Variants in WDR11 observed in about 807,000 individuals in gnomAD.
WDR11 encodes the protein WD repeat domain 11.
Under a neutral mutation model 151.2 loss-of-function variants are expected in WDR11, and 83 were observed. The ratio of observed to expected loss-of-function variants is 0.55; its 90% confidence interval spans 0.46 to 0.66. WDR11 has a LOEUF of 0.66. Ranked by LOEUF, WDR11 falls within the 30% of genes least tolerant of loss-of-function variation. WDR11 has a pLI of 0.00. For missense variants in WDR11, 1,301 were observed against 1,480.9 expected, an observed-to-expected ratio of 0.88 and a Z score of 1.99; for synonymous variants, 484 against 533.1, an observed-to-expected ratio of 0.91 and a Z score of 1.27.
At chr10:120,882,813 A>G (rs1590089904) in intron 13 of WDR11, among the ~76,000 whole-genome samples, 1 of 151,710 alleles carries the variant, frequency 6.6e-6, no homozygotes, top group African/African-American at 2.4e-5. Flanking sequence ...TCCATTTTCA[A>G]TTTCATTGTC....
chr10:120,862,516 A>G (rs956242959), intron 4 of WDR11: 6 of 527,286 alleles, frequency 1.1e-5, no homozygotes, highest in African/African-American at 5.7e-5. Flanking sequence ...AATATAAGAC[A>G]TAATATAGAA....
chr10:120,902,963 C>A (rs1247049472), intron 22 of WDR11, 92 bp from the exon 23 acceptor site: 17 of 1,348,772 alleles, frequency 1.3e-5, no homozygotes, highest in Non-Finnish European at 1.8e-5. Context: ...GGATATGTGA[C>A]AACACTCCCT....
rs375116471 is a variant in WDR11 at position 120,885,883 on chromosome 10, C to T, written c.1918C>T (p.Arg640Cys). ...KQLATREAMA[R>C]QTVVSDTELS... is the part of the protein sequence containing the mutation. ...ACTTGCAACTCGAGAGGCCATGGCC[C>T]GCCAGACCGTAGTCTCAGACACAGA... is the stretch of plus-strand genomic sequence containing the variant. The change falls in exon 15 of 29, where the codon CGC (arginine) becomes TGC (cysteine). Residue 640 changes from arginine (R) to cysteine (C), a missense_variant. Around this residue, in one of 3 missense-constraint regions of WDR11, gnomAD observed 20 missense variants for 47.8 expected, o/e 0.42. Transcript: ENST00000263461. 1.1e-5 allele frequency: 17 copies of T among 1,613,676 alleles called. No individual in the cohort carries two copies. Among genetic ancestry groups the T allele is most frequent in the South Asian group, 3.3e-5 (3 of 91,066 alleles).
At chr10:120,885,960 C>T (rs1193694287) in intron 15 of WDR11, 22 bp downstream of exon 15, 1 of 1,612,390 alleles carries the variant, frequency 6.2e-7, no homozygotes, top group South Asian at 1.1e-5. Flanking sequence ...TGTTTCTTGA[C>T]ACTGTCATTT....
intron 10 of WDR11, among the ~76,000 whole-genome samples, chr10:120,873,086 C>A (rs1364588009): frequency 6.6e-6 from 1 of 152,092 alleles, no homozygotes; most frequent in Non-Finnish European, 1.5e-5. Context: ...GACATACTAC[C>A]TGAGACCATG....
At chr10:120,881,995 A>G (rs955876714) in intron 13 of WDR11, among the ~76,000 whole-genome samples, 3 of 152,058 alleles carry the variant, frequency 2.0e-5, no homozygotes, top group South Asian at 2.1e-4. Context: ...GATTTTTTGT[A>G]TATTTCCTTT....
chr10:120,876,911 C>G (rs1846812745), intron 11 of WDR11, among the ~76,000 whole-genome samples: 1 of 152,186 alleles, frequency 6.6e-6, no homozygotes, highest in Admixed American at 6.5e-5. Context: ...AACCTGAACT[C>G]TTCACTTATA....
At position 120,900,457 on chromosome 10, in the gene WDR11, G is replaced by A. The variant is rs112381833; in HGVS notation, c.2624+320G>A. On this transcript the variant is annotated intron_variant, in intron 20 of 28. Transcript: ENST00000263461. ...ATGGAAGGCAGGAGAATTTGGAGCCGGGCACGTTCTTTTTAAAAGCAGCAT... is the reference window on the plus strand; with the variant it reads ...ATGGAAGGCAGGAGAATTTGGAGCCAGGCACGTTCTTTTTAAAAGCAGCAT... Among the ~76,000 whole-genome samples the A allele has an allele frequency of 8.0e-3, 1,223 of 152,158 alleles. 15 individuals are homozygous for A. The highest frequency in any genetic ancestry group is 0.028 in the African/African-American group (1,142 of 41,514).
Position 120,909,156 on chromosome 10 carries a change from C to G in WDR11, c.*443C>G, listed in dbSNP as rs1348072874. The G allele has an allele frequency of 5.8e-6, 1 of 171,604 alleles. No homozygotes were observed. Among genetic ancestry groups the G allele is most frequent in the Admixed American group, 5.5e-5 (1 of 18,082 alleles). 10.6% of individuals were successfully genotyped at this position (171,604 alleles called of 1,614,324 possible). A position where few individuals can be genotyped will look rare whatever the true frequency, so the allele number is the denominator to read the frequency against. ...TACAGTCTTTCAAGAGAGATACAAA[C>G]AAGGCAGAAACATTTAAACTAGTAT... On this transcript the variant is annotated 3_prime_UTR_variant, in exon 29 of 29. Transcript: ENST00000263461.
At position 120,902,257 on chromosome 10, in the gene WDR11, T is replaced by A; in HGVS notation, c.2688T>A (p.Asn896Lys). The A allele has an allele frequency of 6.2e-7, 1 of 1,614,086 alleles. No homozygotes were observed. ...ACTTTTGTCCGGATTTCTTCCACAG[T>A]GACATAAAGAAACTGTTGCTTGATC... ...LLQEQLNSLS[N>K]DIKKLLLDPE... is the part of the protein sequence containing the mutation. The change falls in exon 22 of 29, where the codon AAT (asparagine) becomes AAA (lysine). Residue 896 changes from asparagine (N) to lysine (K), a missense_variant and splice_region_variant. Asn to Lys is a moderately conservative substitution (Grantham distance 94, BLOSUM62 0). This residue lies in a region of WDR11 where 589 missense variants were observed against 670.6 expected (regional missense o/e 0.88). Transcript: ENST00000263461.
At chr10:120,901,740 A>G (rs1847827635) in intron 21 of WDR11, among the ~76,000 whole-genome samples, 1 of 152,248 alleles carries the variant, frequency 6.6e-6, no homozygotes. Context: ...AAAGATTAAC[A>G]TTTATGTTTA....
intron 27 of WDR11, chr10:120,906,502 G>T: frequency 3.0e-6 from 4 of 1,325,866 alleles, no homozygotes; most frequent in Non-Finnish European, 3.9e-6. Flanking sequence ...TCTGGACAGG[G>T]GTACATGGGC....
chr10:120,909,005 T>TTTAAC lies in WDR11; in HGVS notation c.*297_*301dup. 2 of 376,624 alleles carry TTTAAC rather than the reference T, an allele frequency of 5.3e-6. No individual in the cohort carries two copies. The highest frequency in any genetic ancestry group is 4.2e-5 in the Admixed American group (1 of 23,992). 23.3% of individuals were successfully genotyped at this position (376,624 alleles called of 1,614,324 possible). On this transcript the variant is annotated 3_prime_UTR_variant, in exon 29 of 29. Transcript: ENST00000263461. ...GTCCCTGGAAATACTTTTTAATTTTTTTAACTTAAAATTCAAGAGACTGAA... is the reference window on the plus strand; with the variant it reads ...GTCCCTGGAAATACTTTTTAATTTTTTTAACTTAACTTAAAATTCAAGAGACTGAA...
Position 120,908,659 on chromosome 10 carries a change from C to CAAAG in WDR11, c.3623_3626dup (p.Asp1209GlufsTer6), listed in dbSNP as rs1407896466. On this transcript the variant is annotated frameshift_variant, in exon 29 of 29. Transcript: ENST00000263461. LOFTEE classifies it high-confidence loss of function. The stretch of plus-strand genomic sequence containing the variant: ...TTGCTTCAAAAGCCGGAGCAGCTGG[C>CAAAG]AAAGACTTATTGAATGAGCTTGAGT... 2 of 1,614,180 alleles carry CAAAG rather than the reference C, an allele frequency of 1.2e-6. No homozygotes were observed. Among genetic ancestry groups the CAAAG allele is most frequent in the Non-Finnish European group, 1.7e-6 (2 of 1,180,030 alleles).
Position 120,883,800 on chromosome 10 carries a change from T to G in WDR11, c.1760T>G (p.Phe587Cys). 6.2e-7 allele frequency: 1 copy of G among 1,613,554 alleles called. No individual in the cohort carries two copies. The highest frequency in any genetic ancestry group is 8.5e-7 in the Non-Finnish European group (1 of 1,179,602). The stretch of plus-strand genomic sequence containing the variant: ...TTTAGGCAGTATTTGGCAGTCGTAT[T>G]CAGAGATAAACCCCTGGAGCTATGG... Reference protein sequence around the residue: ...SHLKQYLAVVFRDKPLELWDV... With the variant: ...SHLKQYLAVVCRDKPLELWDV... The change falls in exon 14 of 29, where the codon TTC becomes TGC. Residue 587 changes from phenylalanine (F) to cysteine (C), a missense_variant. By Grantham distance (205) the Phe-to-Cys change is radical. Around this residue, in one of 3 missense-constraint regions of WDR11, gnomAD observed 692 missense variants for 762.5 expected, o/e 0.91. Coordinates refer to ENST00000263461, the MANE Select transcript of WDR11 (RefSeq NM_018117.12).
At chr10:120,902,771 T>C (rs1431184820) in intron 22 of WDR11, among the ~76,000 whole-genome samples, 1 of 151,932 alleles carries the variant, frequency 6.6e-6, no homozygotes, top group Non-Finnish European at 1.5e-5. Context: ...ATGGCCCACA[T>C]TGAAAGGTGT....
intron 2 of WDR11, chr10:120,856,000 T>C (rs1845932041): frequency 6.6e-6 from 1 of 152,158 alleles, no homozygotes; most frequent in Non-Finnish European, 1.5e-5. Context: ...GGGAAAAATA[T>C]ATTTACCTTC....
chr10:120,883,808 A>G lies in WDR11; in HGVS notation c.1768A>G (p.Lys590Glu). 6.2e-7 allele frequency: 1 copy of G among 1,613,544 alleles called. No homozygotes were observed. The highest frequency in any genetic ancestry group is 8.5e-7 in the Non-Finnish European group (1 of 1,179,622). ...KQYLAVVFRD[K>E]PLELWDVRTC... Reference sequence around the variant, plus strand: ...GTATTTGGCAGTCGTATTCAGAGATAAACCCCTGGAGCTATGGGATGTTAG... The same window carrying G: ...GTATTTGGCAGTCGTATTCAGAGATGAACCCCTGGAGCTATGGGATGTTAG... Residue 590 changes from lysine (K) to glutamate (E), a missense_variant, in exon 14 of 29, where the codon AAA (lysine) becomes GAA (glutamate). Physicochemically the swap from Lys to Glu is moderately conservative, Grantham distance 56. Transcript: ENST00000263461.
chr10:120,890,466 A>G (rs1847393731), intron 18 of WDR11, among the ~76,000 whole-genome samples: 1 of 152,190 alleles, frequency 6.6e-6, no homozygotes, highest in African/African-American at 2.4e-5. Context: ...TGCCCGCCTC[A>G]GCCTCCTAAA....
Sources: allele counts gnomAD v4.1 joint callset (sites outside exome capture counted in the v4.1 genomes callset), GRCh38; gene constraint gnomAD v4.1.1; regional missense constraint gnomAD v4.1.1; transcripts MANE v1.5; gene names NCBI Gene and HGNC (gene_info 2026-07-23, HGNC 2026-07-21).